Variants in DRC11 observed in about 807,000 individuals in gnomAD.
DRC11 encodes the protein IQ and AAA domain-containing protein 1.
the DRC11 span, among the ~76,000 whole-genome samples, chr2:236,505,395 T>C: frequency 6.6e-6 from 1 of 152,140 alleles, no homozygotes. Context: ...TTTGCTGTCT[T>C]CTTCCCCAAA....
the DRC11 span, among the ~76,000 whole-genome samples, chr2:236,369,836 A>G: frequency 6.6e-6 from 1 of 152,180 alleles, no homozygotes; most frequent in African/African-American, 2.4e-5. The surrounding 1 kb of genome is among the most constrained non-coding windows in gnomAD (Gnocchi z 4.5). Context: ...CCCGGCACAG[A>G]CATCAGATCT....
At chr2:236,448,962 C>T in the DRC11 span, among the ~76,000 whole-genome samples, 3 of 151,936 alleles carry the variant, frequency 2.0e-5, no homozygotes, top group Non-Finnish European at 2.9e-5. The surrounding 1 kb of genome is among the most constrained non-coding windows in gnomAD (Gnocchi z 5.3). Context: ...CGGGTTCAAA[C>T]GATTCTCCTA....
At chr2:236,424,070 A>C in the DRC11 span, among the ~76,000 whole-genome samples, 1 of 86,286 alleles carries the variant, frequency 1.2e-5, no homozygotes, top group Non-Finnish European at 2.2e-5. Context: ...GGGAGGGGGG[A>C]GGGATAGCAT....
chr2:236,317,803 A>T, the DRC11 span, among the ~76,000 whole-genome samples: 45 of 152,210 alleles, frequency 3.0e-4, no homozygotes, highest in Admixed American at 2.9e-3. The surrounding 1 kb of genome is among the most constrained non-coding windows in gnomAD (Gnocchi z 5.4). Context: ...GTCTCCTCCA[A>T]AACTCATGGC....
chr2:236,459,673 GTATATATGTATATACATATATACA>G, the DRC11 span, among the ~76,000 whole-genome samples: 3 of 141,044 alleles, frequency 2.1e-5, no homozygotes, highest in Admixed American at 7.1e-5. Context: ...ACGTATATAC[GTATATATGTATATACATATATACA>G]TATATACGTA....
the DRC11 span, among the ~76,000 whole-genome samples, chr2:236,359,647 C>T: frequency 3.9e-5 from 6 of 152,320 alleles, no homozygotes; most frequent in African/African-American, 1.2e-4. The surrounding 1 kb of genome is among the most constrained non-coding windows in gnomAD (Gnocchi z 4.3). Flanking sequence ...GCAGCTCACA[C>T]GGCACAGTCA....
the DRC11 span, among the ~76,000 whole-genome samples, chr2:236,428,509 G>GT: frequency 6.6e-6 from 1 of 151,972 alleles, no homozygotes; most frequent in East Asian, 1.9e-4. Context: ...CCTTTTTACA[G>GT]TTTTTGACTT....
the DRC11 span, among the ~76,000 whole-genome samples, chr2:236,416,709 A>ATATATATATATT: frequency 2.3e-5 from 2 of 87,106 alleles, no homozygotes; most frequent in Non-Finnish European, 4.5e-5. Context: ...ATTTATTTAC[A>ATATATATATATT]TATATATATA....
At chr2:236,389,017 G>A in the DRC11 span, among the ~76,000 whole-genome samples, 205 of 152,128 alleles carry the variant, frequency 1.3e-3, 1 homozygote, top group African/African-American at 4.7e-3. Flanking sequence ...CAGTCTGCCC[G>A]TTCTCAGATC....
chr2:236,387,730 G>A, the DRC11 span, among the ~76,000 whole-genome samples: 5 of 150,884 alleles, frequency 3.3e-5, no homozygotes, highest in Non-Finnish European at 5.9e-5. Flanking sequence ...TATTTTGCTC[G>A]TTAGTTGATG....
the DRC11 span, among the ~76,000 whole-genome samples, chr2:236,316,354 G>T: frequency 6.6e-6 from 1 of 152,074 alleles, no homozygotes; most frequent in East Asian, 1.9e-4. The surrounding 1 kb of genome is among the most constrained non-coding windows in gnomAD (Gnocchi z 6.8). Context: ...GTAGAGATAG[G>T]GTTTCACCAT....
At chr2:236,438,730 T>C in the DRC11 span, among the ~76,000 whole-genome samples, 5 of 152,242 alleles carry the variant, frequency 3.3e-5, no homozygotes, top group Non-Finnish European at 5.9e-5. Context: ...AATAGACATC[T>C]ACAGAACTCT....
At chr2:236,433,981 T>C in the DRC11 span, among the ~76,000 whole-genome samples, 3 of 152,276 alleles carry the variant, frequency 2.0e-5, no homozygotes, top group African/African-American at 7.2e-5. Context: ...ATGTTAAATT[T>C]GTAAAATGCC....
At chr2:236,475,454 C>T in the DRC11 span, among the ~76,000 whole-genome samples, 10 of 152,154 alleles carry the variant, frequency 6.6e-5, no homozygotes, top group African/African-American at 2.4e-4. This position sits in a 1 kb window ranked among gnomAD's most constrained non-coding sequence, Gnocchi z 4.8. Flanking sequence ...GTGCAGATAT[C>T]TCTTCAATGT....
At chr2:236,454,422 CA>C in the DRC11 span, among the ~76,000 whole-genome samples, 1 of 152,158 alleles carries the variant, frequency 6.6e-6, no homozygotes, top group Non-Finnish European at 1.5e-5. The surrounding 1 kb of genome is among the most constrained non-coding windows in gnomAD (Gnocchi z 5.3). Context: ...TCTTTTCCAC[CA>C]AAGCAAACAG....
chr2:236,439,501 T>C, the DRC11 span, among the ~76,000 whole-genome samples: 1 of 152,218 alleles, frequency 6.6e-6, no homozygotes, highest in Non-Finnish European at 1.5e-5. Flanking sequence ...TTTATCCAGA[T>C]AAATAATTGT....
chr2:236,393,691 G>A, the DRC11 span, among the ~76,000 whole-genome samples: 3 of 152,216 alleles, frequency 2.0e-5, no homozygotes, highest in Non-Finnish European at 4.4e-5. This position sits in a 1 kb window ranked among gnomAD's most constrained non-coding sequence, Gnocchi z 4.7. Flanking sequence ...TGTGAGACCC[G>A]GGAAAAGCTA....
the DRC11 span, among the ~76,000 whole-genome samples, chr2:236,475,138 G>C: frequency 6.6e-6 from 1 of 151,898 alleles, no homozygotes; most frequent in Non-Finnish European, 1.5e-5. This position sits in a 1 kb window ranked among gnomAD's most constrained non-coding sequence, Gnocchi z 4.8. Flanking sequence ...TCACCCACCT[G>C]CCCTTCCAGT....
chr2:236,490,272 G>T, the DRC11 span, among the ~76,000 whole-genome samples: 2 of 152,172 alleles, frequency 1.3e-5, no homozygotes, highest in South Asian at 4.1e-4. This position sits in a 1 kb window ranked among gnomAD's most constrained non-coding sequence, Gnocchi z 5.5. Flanking sequence ...AGACAACTGA[G>T]GATCAAAGAA....
Sources: gnomAD v4.1 joint callset for allele counts (sites outside exome capture counted in the v4.1 genomes callset) on GRCh38, gnomAD v4.1.1 for gene constraint, Gnocchi (gnomAD v3.1) non-coding constraint, MANE v1.5 for transcripts, NCBI Gene and HGNC (gene_info 2026-07-23, HGNC 2026-07-21) for gene names.